GABRB2: variants seen among roughly 807,000 people sequenced by gnomAD.
The protein encoded by GABRB2 is gamma-aminobutyric acid type A receptor subunit beta2.
A neutral mutation model predicts 54.7 loss-of-function variants in GABRB2; 16 were observed. The ratio of observed to expected loss-of-function variants is 0.29; its 90% confidence interval spans 0.20 to 0.44. GABRB2 has a LOEUF of 0.44. Ranked by LOEUF, GABRB2 falls within the 20% of genes least tolerant of loss-of-function variation. GABRB2 has a pLI of 1.00. For missense variants in GABRB2, 355 were observed against 644.0 expected (o/e 0.55, Z 4.86); for synonymous variants, 244 against 233.8 (o/e 1.04, Z -0.40).
At chr5:161,334,374 C>A (rs187323594) in intron 7 of GABRB2, among the ~76,000 whole-genome samples, 4 of 152,232 alleles carry the variant, frequency 2.6e-5, no homozygotes, top group Admixed American at 2.0e-4. Flanking sequence ...TTGCTACACA[C>A]AACATCTTCT....
Position 161,328,294 on chromosome 5 carries a change from C to A in GABRB2, c.1078-1813G>T, listed in dbSNP as rs576599051. Among the ~76,000 whole-genome samples the A allele has an allele frequency of 1.7e-3, 260 of 152,264 alleles. 1 individual carries two copies. Among genetic ancestry groups the A allele is most frequent in the African/African-American group, 5.8e-3 (241 of 41,560 alleles). ...CTAGCATCACCAATAAGTATGGGGA[C>A]TGCAAATTTTATTTTAAAAAGTAAT... On this transcript the variant is annotated intron_variant, in intron 8 of 9. Transcript: ENST00000393959.
At chr5:161,493,459 C>G (rs189322436) in intron 3 of GABRB2, among the ~76,000 whole-genome samples, 8 of 151,632 alleles carry the variant, frequency 5.3e-5, no homozygotes, top group African/African-American at 1.9e-4. Context: ...ATTATTTCCC[C>G]ATTGGTTTGA....
At chr5:161,372,628 A>G (rs1755165656) in intron 5 of GABRB2, among the ~76,000 whole-genome samples, 1 of 152,124 alleles carries the variant, frequency 6.6e-6, no homozygotes, top group African/African-American at 2.4e-5. Context: ...CCCTATCAGT[A>G]TTATTTAGAT....
intron 9 of GABRB2, among the ~76,000 whole-genome samples, chr5:161,315,536 A>G (rs1758004017): frequency 6.6e-6 from 1 of 152,164 alleles, no homozygotes; most frequent in Non-Finnish European, 1.5e-5. Context: ...ATCAGGACCC[A>G]TTATTATTAT....
intron 3 of GABRB2, among the ~76,000 whole-genome samples, chr5:161,511,415 C>CT (rs1759764004): frequency 6.6e-6 from 1 of 151,968 alleles, no homozygotes; most frequent in African/African-American, 2.4e-5. Context: ...TTCACATAAA[C>CT]TGTTCTTATT....
intron 4 of GABRB2, among the ~76,000 whole-genome samples, chr5:161,440,073 A>C (rs546425839): frequency 0.021 from 3,220 of 150,464 alleles, 147 homozygotes; most frequent in African/African-American, 0.073. Flanking sequence ...AAAAAAAAAA[A>C]AAAAAACAAA....
chr5:161,362,966 G>T (rs1316686358), intron 5 of GABRB2, among the ~76,000 whole-genome samples: 1 of 152,162 alleles, frequency 6.6e-6, no homozygotes, highest in Non-Finnish European at 1.5e-5. Flanking sequence ...GGAAGACAGT[G>T]TGGCGATTCC....
chr5:161,459,604 T>C lies in GABRB2; in HGVS notation c.458+20A>G, dbSNP rs774035394. 2 of 1,596,102 alleles carry C rather than the reference T, an allele frequency of 1.3e-6. No individual in the cohort carries two copies. The highest frequency in any genetic ancestry group is 3.3e-5 in the Admixed American group (2 of 59,856). On this transcript the variant is annotated intron_variant, in intron 4 of 9. Transcript: ENST00000393959. The stretch of plus-strand genomic sequence containing the variant: ...TATTTTGTTCAGGAAAAGTTATATT[T>C]TGAATTGGGGACAACAGACCTGAGT...
At chr5:161,336,519 T>C (rs1445222512) in intron 6 of GABRB2, 113 bp downstream of exon 6, 72 of 1,244,012 alleles carry the variant, frequency 5.8e-5, no homozygotes, top group Non-Finnish European at 7.6e-5. Flanking sequence ...TTTCAGTGGA[T>C]TTGTCTTGTA....
At chr5:161,508,597 GC>G (rs780198014) in intron 3 of GABRB2, among the ~76,000 whole-genome samples, 12 of 151,978 alleles carry the variant, frequency 7.9e-5, no homozygotes, top group Non-Finnish European at 1.5e-4. Flanking sequence ...AAATACACTT[GC>G]ATAAGTAATT....
intron 5 of GABRB2, among the ~76,000 whole-genome samples, chr5:161,399,961 G>T (rs944398549): frequency 1.1e-4 from 17 of 152,172 alleles, no homozygotes; most frequent in Non-Finnish European, 2.2e-4. Context: ...CATGGAGCTG[G>T]CGGCAGTGGA....
chr5:161,475,774 C>G (rs951146944), intron 3 of GABRB2, among the ~76,000 whole-genome samples: 1 of 151,458 alleles, frequency 6.6e-6, no homozygotes, highest in African/African-American at 2.4e-5. Context: ...TTATGAAAAC[C>G]CTCAACAAAC....
intron 9 of GABRB2, among the ~76,000 whole-genome samples, chr5:161,318,850 T>G (rs1039346416): frequency 8.6e-5 from 13 of 151,968 alleles, no homozygotes; most frequent in Admixed American, 7.9e-4. Context: ...AAAAATACTT[T>G]AAAAAAACAC....
intron 9 of GABRB2, among the ~76,000 whole-genome samples, chr5:161,298,178 C>T (rs1305255012): frequency 2.6e-5 from 4 of 152,044 alleles, no homozygotes; most frequent in Non-Finnish European, 5.9e-5. Flanking sequence ...TGGATATTAG[C>T]CCATTGTCAG....
chr5:161,475,734 A>G (rs116117752), intron 3 of GABRB2, among the ~76,000 whole-genome samples: 242 of 152,140 alleles, frequency 1.6e-3, no homozygotes, highest in African/African-American at 5.7e-3. Context: ...CTGATACAGA[A>G]AAAGCATTTA....
intron 3 of GABRB2, among the ~76,000 whole-genome samples, chr5:161,516,909 C>G (rs1363684069): frequency 6.6e-6 from 1 of 152,058 alleles, no homozygotes. Context: ...TAGTTCCCAA[C>G]CCTTCAGATG....
chr5:161,469,553 C>T (rs951549668), intron 3 of GABRB2, among the ~76,000 whole-genome samples: 8 of 151,580 alleles, frequency 5.3e-5, no homozygotes, highest in Admixed American at 3.3e-4. Context: ...ACAACAACAA[C>T]AAAAAAGGCA....
At chr5:161,388,117 C>T (rs1350599135) in intron 5 of GABRB2, among the ~76,000 whole-genome samples, 1 of 152,118 alleles carries the variant, frequency 6.6e-6, no homozygotes, top group Non-Finnish European at 1.5e-5. Context: ...ATAATTCCAA[C>T]AATCCATGGG....
chr5:161,354,484 T>A (rs1324491828), intron 5 of GABRB2, among the ~76,000 whole-genome samples: 2 of 152,056 alleles, frequency 1.3e-5, no homozygotes, highest in South Asian at 4.1e-4. Flanking sequence ...GCAACTTCTA[T>A]GGGCTCTACC....
Sources: gnomAD v4.1 joint callset for allele counts (sites outside exome capture counted in the v4.1 genomes callset) on GRCh38, gnomAD v4.1.1 for gene constraint, MANE v1.5 for transcripts, NCBI Gene and HGNC (gene_info 2026-07-23, HGNC 2026-07-21) for gene names.